The following PDCD6IP variants were observed in gnomAD, a reference collection of about 807,000 sequenced individuals.
PDCD6IP encodes programmed cell death 6-interacting protein.
PDCD6IP carries 43 observed loss-of-function variants against 103.7 expected under a neutral mutation model. That is an observed-to-expected ratio of 0.41 (90% CI 0.32 to 0.53). PDCD6IP has a LOEUF of 0.53. Among genes scored for constraint, PDCD6IP ranks in the 20% least tolerant of loss-of-function variants. The pLI, the probability that PDCD6IP is intolerant of heterozygous loss-of-function variation, is 0.16. For synonymous variants in PDCD6IP, 354 were observed against 378.7 expected (o/e 0.93, Z 0.76); for missense variants, 871 against 1,036.7 (o/e 0.84, Z 2.20).
intron 5 of PDCD6IP, 73 bp downstream of exon 5, chr3:33,825,413 A>G: frequency 2.3e-6 from 3 of 1,283,062 alleles, no homozygotes; most frequent in Non-Finnish European, 3.3e-6. Context: ...AGTGATTAGA[A>G]TATAATATGT....
intron 15 of PDCD6IP, among the ~76,000 whole-genome samples, chr3:33,859,350 T>TA (rs1049121096): frequency 5.4e-5 from 8 of 149,514 alleles, no homozygotes; most frequent in East Asian, 1.9e-4. Flanking sequence ...CAGAAGCCAT[T>TA]AAAAAAAAAG....
At chr3:33,807,786 C>T (rs1486821355) in intron 1 of PDCD6IP, among the ~76,000 whole-genome samples, 2 of 152,184 alleles carry the variant, frequency 1.3e-5, no homozygotes, top group Non-Finnish European at 2.9e-5. Context: ...GGGGTTTTTC[C>T]TCTTGTTATA....
At chr3:33,827,396 C>T (rs1881937) in intron 6 of PDCD6IP, 15,325 of 216,274 alleles carry the variant, frequency 0.071, 635 homozygotes, top group Non-Finnish European at 0.079. Flanking sequence ...AATCTTTGTA[C>T]ATTAAAAAAT....
chr3:33,855,383 A>G (rs1231194213), intron 15 of PDCD6IP, 123 bp downstream of exon 15: 4 of 600,600 alleles, frequency 6.7e-6, no homozygotes, highest in Admixed American at 3.0e-5. Context: ...GGAAGAAGGA[A>G]CTAGATAGAG....
intron 10 of PDCD6IP, 156 bp from the exon 11 acceptor site, chr3:33,843,956 C>A: frequency 1.9e-5 from 8 of 421,298 alleles, no homozygotes; most frequent in South Asian, 3.6e-5. Flanking sequence ...TGCATTATAA[C>A]TTAGATGTCT....
chr3:33,840,925 G>A (rs548692293), intron 9 of PDCD6IP, among the ~76,000 whole-genome samples: 4 of 152,086 alleles, frequency 2.6e-5, no homozygotes, highest in African/African-American at 4.8e-5. Flanking sequence ...TTTTAGGATA[G>A]AATTTTTGAC....
At chr3:33,816,597 G>C (rs747326370) in intron 3 of PDCD6IP, among the ~76,000 whole-genome samples, 1 of 150,920 alleles carries the variant, frequency 6.6e-6, no homozygotes, top group Admixed American at 6.6e-5. Flanking sequence ...CAGAGTCATT[G>C]TGGCAGAACT....
At chr3:33,804,272 A>G (rs1232019531) in intron 1 of PDCD6IP, among the ~76,000 whole-genome samples, 1 of 152,228 alleles carries the variant, frequency 6.6e-6, no homozygotes, top group Non-Finnish European at 1.5e-5. Context: ...GCACAGGAAG[A>G]GGAGGGGCCA....
chr3:33,819,591 C>T (rs1696941840), intron 3 of PDCD6IP, among the ~76,000 whole-genome samples: 1 of 152,120 alleles, frequency 6.6e-6, no homozygotes, highest in African/African-American at 2.4e-5. Context: ...TGAAAACTGG[C>T]CTTTATTACC....
chr3:33,851,235 C>T (rs1457303083), intron 12 of PDCD6IP, among the ~76,000 whole-genome samples: 1 of 151,394 alleles, frequency 6.6e-6, no homozygotes, highest in Non-Finnish European at 1.5e-5. Context: ...TCCTCTTCTT[C>T]CTTTGTCTTT....
chr3:33,846,687 G>T (rs998395737), intron 12 of PDCD6IP, among the ~76,000 whole-genome samples: 13 of 152,214 alleles, frequency 8.5e-5, no homozygotes, highest in African/African-American at 3.1e-4. Flanking sequence ...GCTGTGTCTA[G>T]AGAGTTATCC....
At chr3:33,842,960 T>C (rs1482496124) in intron 10 of PDCD6IP, among the ~76,000 whole-genome samples, 2 of 152,204 alleles carry the variant, frequency 1.3e-5, no homozygotes, top group Admixed American at 6.5e-5. Flanking sequence ...CTAGAAAGAA[T>C]TTGTGTTTGC....
intron 3 of PDCD6IP, among the ~76,000 whole-genome samples, chr3:33,820,995 G>A (rs1040556573): frequency 6.6e-6 from 1 of 151,976 alleles, no homozygotes; most frequent in African/African-American, 2.4e-5. Flanking sequence ...CACAGCAGTT[G>A]TACTTTTTCT....
At chr3:33,818,539 AT>A (rs1696915541) in intron 3 of PDCD6IP, among the ~76,000 whole-genome samples, 2 of 36,920 alleles carry the variant, frequency 5.4e-5, no homozygotes, top group East Asian at 1.6e-3. Context: ...TTTTTTTTTG[AT>A]AGGGAGTCTC....
intron 15 of PDCD6IP, among the ~76,000 whole-genome samples, chr3:33,859,125 C>A (rs1370139937): frequency 6.6e-6 from 1 of 152,148 alleles, no homozygotes; most frequent in Non-Finnish European, 1.5e-5. Context: ...GATTCAAATA[C>A]ATACGTGAAT....
intron 7 of PDCD6IP, among the ~76,000 whole-genome samples, chr3:33,834,446 AAG>A (rs1384678126): frequency 6.6e-6 from 1 of 152,202 alleles, no homozygotes. Context: ...CAAATTTAAA[AAG>A]TGATTTAAAT....
intron 2 of PDCD6IP, 44 bp downstream of exon 2, chr3:33,812,170 C>T: frequency 6.4e-7 from 1 of 1,566,686 alleles, no homozygotes; most frequent in South Asian, 1.2e-5. Context: ...TAATAGCACC[C>T]ATTTCCTTCT....
At chr3:33,805,497 C>T (rs1465614766) in intron 1 of PDCD6IP, among the ~76,000 whole-genome samples, 1 of 151,856 alleles carries the variant, frequency 6.6e-6, no homozygotes, top group African/African-American at 2.4e-5. Context: ...TACAGTGGCG[C>T]CACAATAGCC....
At chr3:33,799,137 CT>C in intron 1 of PDCD6IP, 200 bp downstream of exon 1, 1 of 603,140 alleles carries the variant, frequency 1.7e-6, no homozygotes, top group Non-Finnish European at 2.9e-6. Flanking sequence ...CCCGCTTGTC[CT>C]GCCTGCACGT....
Sources: gnomAD v4.1 joint callset for allele counts (sites outside exome capture counted in the v4.1 genomes callset) on GRCh38, gnomAD v4.1.1 for gene constraint, MANE v1.5 for transcripts, NCBI Gene and HGNC (gene_info 2026-07-23, HGNC 2026-07-21) for gene names.